FAM120B: variants seen among roughly 807,000 people sequenced by gnomAD.
FAM120B encodes family with sequence similarity 120 member B, also known as constitutive coactivator of peroxisome proliferator-activated receptor gamma.
In FAM120B, 83 loss-of-function variants were observed where a neutral mutation model predicts 96.3. That is an observed-to-expected ratio of 0.86 (90% CI 0.72 to 1.03). The LOEUF is 1.03. Ranked by LOEUF, FAM120B falls within the 50% of genes least tolerant of loss-of-function variation. The pLI is 0.00. For synonymous variants in FAM120B, 407 were observed against 402.7 expected, an observed-to-expected ratio of 1.01 and a Z score of -0.13; for missense variants, 1,027 against 1,121.2, an observed-to-expected ratio of 0.92 and a Z score of 1.20.
upstream of FAM120B, among the ~76,000 whole-genome samples, chr6:170,303,187 C>T (rs929024491): frequency 2.6e-5 from 4 of 152,202 alleles, no homozygotes; most frequent in African/African-American, 9.6e-5. Flanking sequence ...CCTTCTCTTA[C>T]ATTTATCTCT....
At chr6:170,324,038 C>T (rs2115042357) in intron 3 of FAM120B, among the ~76,000 whole-genome samples, 1 of 152,292 alleles carries the variant, frequency 6.6e-6, no homozygotes, top group Admixed American at 6.5e-5. Context: ...ACATGGTCTA[C>T]ACACTATTAC....
chr6:170,308,186 C>T lies in FAM120B; in HGVS notation c.-22+1344C>T, dbSNP rs545377566. ...TCATCCCATTTCTGCCATCTCCCAGCTCCATCATTAGTGAGTGTTTCCCCT... is the reference window on the plus strand; with the variant it reads ...TCATCCCATTTCTGCCATCTCCCAGTTCCATCATTAGTGAGTGTTTCCCCT... On this transcript the variant is annotated intron_variant, in intron 1 of 10. Coordinates refer to ENST00000476287, the MANE Select transcript of FAM120B (RefSeq NM_032448.3). Among the ~76,000 whole-genome samples the T allele has an allele frequency of 7.9e-5, 12 of 152,318 alleles. No homozygotes were observed. In the South Asian group the frequency reaches 2.5e-3, roughly 32 times the overall value.
At chr6:170,371,009 T>C (rs899234324) in intron 6 of FAM120B, among the ~76,000 whole-genome samples, 5 of 152,132 alleles carry the variant, frequency 3.3e-5, no homozygotes, top group African/African-American at 1.2e-4. Context: ...TCACATGAAC[T>C]ATACAGTTCA....
intron 5 of FAM120B, among the ~76,000 whole-genome samples, chr6:170,357,152 C>G (rs1049627457): frequency 3.9e-5 from 6 of 152,152 alleles, no homozygotes; most frequent in Non-Finnish European, 8.8e-5. Context: ...CTTTCTGTTT[C>G]TTTTTCCGCG....
chr6:170,337,556 G>C (rs993223249), intron 4 of FAM120B, among the ~76,000 whole-genome samples: 9 of 152,160 alleles, frequency 5.9e-5, no homozygotes, highest in African/African-American at 2.2e-4. Flanking sequence ...AAATGAGTTA[G>C]GGAAAAGTCC....
chr6:170,381,545 C>T (rs1789901162), intron 6 of FAM120B, among the ~76,000 whole-genome samples: 1 of 151,018 alleles, frequency 6.6e-6, no homozygotes, highest in South Asian at 2.1e-4. Context: ...ACCCTGACAC[C>T]CAAACCAGAC....
rs917721686 is a variant in FAM120B, at chr6:170,406,003, G to C, written c.*1252G>C. The C allele has an allele frequency of 5.5e-5, 8 of 145,250 alleles. No individual in the cohort carries two copies. The Admixed American group carries it at 5.7e-4, about 10-fold the overall frequency. The allele number at this position is 145,250 out of a possible 1,614,324, so 9.0% of individuals were successfully genotyped here. A position where few individuals can be genotyped will look rare whatever the true frequency, so the allele number is the denominator to read the frequency against. ...TCCTCTTTATCTCTGAGCATTGAAG[G>C]ACTTTTGGTTAAAAAAAAAAATTAA... On this transcript the variant is annotated 3_prime_UTR_variant, in exon 11 of 11. Coordinates refer to ENST00000476287, the MANE Select transcript of FAM120B (RefSeq NM_032448.3).
intron 4 of FAM120B, 105 bp from the exon 5 acceptor site, chr6:170,348,046 C>G: frequency 3.2e-6 from 3 of 938,058 alleles, no homozygotes; most frequent in Non-Finnish European, 4.7e-6. Flanking sequence ...CCTTTTACAT[C>G]AGGAAGGGAA....
At chr6:170,385,213 T>C (rs1790120740) in intron 6 of FAM120B, among the ~76,000 whole-genome samples, 1 of 152,208 alleles carries the variant, frequency 6.6e-6, no homozygotes, top group South Asian at 2.1e-4. Flanking sequence ...ATTAAAATAG[T>C]ACACTTCTAA....
chr6:170,330,349 C>T, intron 3 of FAM120B, 100 bp from the exon 4 acceptor site: 1 of 776,180 alleles, frequency 1.3e-6, no homozygotes, highest in Non-Finnish European at 2.2e-6. Flanking sequence ...TTTGAGAGCT[C>T]ACCTTTGAAT....
chr6:170,331,717 G>A (rs548684661), intron 4 of FAM120B, among the ~76,000 whole-genome samples: 1 of 152,272 alleles, frequency 6.6e-6, no homozygotes, highest in South Asian at 2.1e-4. Context: ...TCGTCATTGT[G>A]TCAAGAGTTA....
chr6:170,378,513 C>T (rs1789712946), intron 6 of FAM120B, among the ~76,000 whole-genome samples: 1 of 152,224 alleles, frequency 6.6e-6, no homozygotes, highest in South Asian at 2.1e-4. Context: ...TAAAAAAATA[C>T]GTTGAGCGCC....
intron 1 of FAM120B, among the ~76,000 whole-genome samples, chr6:170,316,966 A>G (rs1053103147): frequency 1.3e-5 from 2 of 152,220 alleles, no homozygotes; most frequent in East Asian, 3.8e-4. Flanking sequence ...GAAAAATTAT[A>G]TTGAGAATCA....
intron 8 of FAM120B, among the ~76,000 whole-genome samples, chr6:170,393,925 G>A (rs1226971035): frequency 6.6e-6 from 1 of 152,202 alleles, no homozygotes; most frequent in Non-Finnish European, 1.5e-5. Context: ...TACTCGGTGT[G>A]TTGGCCTCTG....
intron 5 of FAM120B, among the ~76,000 whole-genome samples, chr6:170,357,482 C>T (rs1788027654): frequency 6.6e-6 from 1 of 152,170 alleles, no homozygotes; most frequent in African/African-American, 2.4e-5. Context: ...CCTTCCTTTT[C>T]TCACTTTTGC....
At chr6:170,376,831 CAG>C (rs1323111396) in intron 6 of FAM120B, among the ~76,000 whole-genome samples, 2 of 152,214 alleles carry the variant, frequency 1.3e-5, no homozygotes, top group Admixed American at 6.5e-5. Flanking sequence ...GTGCTTGGCA[CAG>C]GGGTTTCGGT....
At chr6:170,392,691 A>G (rs1009188309) in intron 8 of FAM120B, among the ~76,000 whole-genome samples, 4 of 152,202 alleles carry the variant, frequency 2.6e-5, no homozygotes, top group Non-Finnish European at 5.9e-5. Flanking sequence ...CTCTAGGAGA[A>G]CTACTTGGTG....
At chr6:170,394,723 G>T in intron 8 of FAM120B, among the ~76,000 whole-genome samples, 1 of 152,102 alleles carries the variant, frequency 6.6e-6, no homozygotes. Context: ...ACCGCAGCAT[G>T]TCCAGGGAGG....
chr6:170,294,206 C>G (rs1307867990), upstream of FAM120B, among the ~76,000 whole-genome samples: 3 of 152,192 alleles, frequency 2.0e-5, no homozygotes, highest in Non-Finnish European at 4.4e-5. This position sits in a 1 kb window ranked among gnomAD's most constrained non-coding sequence, Gnocchi z 7.9. Context: ...CCCTCCTCCC[C>G]ACACTATAAA....
Sources: allele counts gnomAD v4.1 joint callset (sites outside exome capture counted in the v4.1 genomes callset), GRCh38; gene constraint gnomAD v4.1.1; non-coding constraint Gnocchi (gnomAD v3.1); transcripts MANE v1.5; gene names NCBI Gene and HGNC (gene_info 2026-07-23, HGNC 2026-07-21).